SLIT3: variants seen among roughly 807,000 people sequenced by gnomAD.
The protein encoded by SLIT3 is slit guidance ligand 3, also known as slit homolog 3 protein.
In SLIT3, 68 loss-of-function variants were observed where a neutral mutation model predicts 184.0. That is an observed-to-expected ratio of 0.37 (90% confidence interval 0.30 to 0.45). The LOEUF (loss-of-function observed/expected upper bound fraction) is 0.45. SLIT3 is among the 20% of genes least tolerant of loss of function. The probability of loss-of-function intolerance (pLI) is 1.00; values close to 1 mark genes in which losing one functional copy is unlikely to be tolerated. For synonymous variants in SLIT3, 831 were observed against 828.6 expected (o/e 1.00, Z -0.05); for missense variants, 1,707 against 2,026.0 (o/e 0.84, Z 3.02).
At chr5:169,161,600 A>G (rs551764615) in intron 4 of SLIT3, among the ~76,000 whole-genome samples, 7 of 152,062 alleles carry the variant, frequency 4.6e-5, no homozygotes, top group African/African-American at 1.7e-4. Context: ...CCATACTGAT[A>G]TCAGAAGGGA....
At chr5:169,289,045 G>A (rs1375526296) in intron 1 of SLIT3, among the ~76,000 whole-genome samples, 1 of 152,196 alleles carries the variant, frequency 6.6e-6, no homozygotes, top group Non-Finnish European at 1.5e-5. Flanking sequence ...GGAGACATCT[G>A]ATCTCATTTA....
At chr5:168,913,971 C>A (rs765405147) in intron 4 of SLIT3, among the ~76,000 whole-genome samples, 4 of 152,240 alleles carry the variant, frequency 2.6e-5, no homozygotes, top group South Asian at 4.2e-4. Context: ...TTTTCCTTTT[C>A]TCACCTAACT....
chr5:169,277,865 G>A (rs956860984), intron 1 of SLIT3, among the ~76,000 whole-genome samples: 4 of 152,092 alleles, frequency 2.6e-5, no homozygotes, highest in African/African-American at 4.8e-5. Context: ...ACCATTTTAC[G>A]TTTCACCAGC....
intron 4 of SLIT3, among the ~76,000 whole-genome samples, chr5:169,188,202 G>A (rs573198281): frequency 3.3e-5 from 5 of 152,274 alleles, no homozygotes; most frequent in East Asian, 3.9e-4. Context: ...CAGGCAATCC[G>A]ACTGCCTTGG....
At chr5:169,013,491 A>G (rs953769625) in intron 4 of SLIT3, 12 of 152,134 alleles carry the variant, frequency 7.9e-5, no homozygotes, top group African/African-American at 2.7e-4. Flanking sequence ...TAAAACTGAA[A>G]CCCGATCCTT....
At chr5:169,127,514 G>A (rs1024463177) in intron 4 of SLIT3, among the ~76,000 whole-genome samples, 39 of 152,166 alleles carry the variant, frequency 2.6e-4, no homozygotes, top group Admixed American at 1.7e-3. Context: ...GAACAAAACC[G>A]GAAGAAGATA....
chr5:168,808,558 T>C (rs955439643), intron 8 of SLIT3, among the ~76,000 whole-genome samples: 3 of 152,180 alleles, frequency 2.0e-5, no homozygotes, highest in Admixed American at 2.0e-4. Flanking sequence ...GTAATGTTCA[T>C]TGTTATTATT....
chr5:169,041,641 T>C (rs1757453217), intron 4 of SLIT3, among the ~76,000 whole-genome samples: 1 of 152,228 alleles, frequency 6.6e-6, no homozygotes, highest in African/African-American at 2.4e-5. Context: ...TCAATTCTTA[T>C]AATGAAATGT....
At chr5:168,825,059 T>C (rs566166539) in intron 6 of SLIT3, among the ~76,000 whole-genome samples, 1 of 152,168 alleles carries the variant, frequency 6.6e-6, no homozygotes, top group Non-Finnish European at 1.5e-5. Context: ...GTTATCAATA[T>C]CTCTTATCTG....
At chr5:169,017,328 A>G (rs942904094) in intron 4 of SLIT3, among the ~76,000 whole-genome samples, 2 of 152,190 alleles carry the variant, frequency 1.3e-5, no homozygotes, top group African/African-American at 4.8e-5. Flanking sequence ...CTCCTGGGAC[A>G]TCCCCTTCGA....
intron 4 of SLIT3, among the ~76,000 whole-genome samples, chr5:168,934,183 G>C (rs554098032): frequency 3.3e-5 from 5 of 152,136 alleles, no homozygotes; most frequent in Non-Finnish European, 7.4e-5. Context: ...AACGCTCCTC[G>C]TAGATGGCAC....
intron 4 of SLIT3, among the ~76,000 whole-genome samples, chr5:168,938,735 A>T (rs1581228522): frequency 6.6e-6 from 1 of 152,060 alleles, no homozygotes; most frequent in East Asian, 1.9e-4. Context: ...GGTTCAAGCG[A>T]TTCTCCCGCC....
chr5:168,975,162 C>A (rs1754706366), intron 4 of SLIT3, among the ~76,000 whole-genome samples: 1 of 151,910 alleles, frequency 6.6e-6, no homozygotes, highest in Non-Finnish European at 1.5e-5. Context: ...GATGATGTCC[C>A]CAGCCAGTCC....
intron 4 of SLIT3, among the ~76,000 whole-genome samples, chr5:168,896,291 C>T (rs1054166166): frequency 1.3e-5 from 2 of 152,024 alleles, no homozygotes; most frequent in East Asian, 1.9e-4. Context: ...CTGTATAATG[C>T]GGACCATGAA....
At chr5:169,244,891 C>T (rs1443574879) in intron 2 of SLIT3, 115 bp from the exon 3 acceptor site, 14 of 866,428 alleles carry the variant, frequency 1.6e-5, no homozygotes, top group Middle Eastern at 2.5e-4. Flanking sequence ...CGTCAGTGTC[C>T]CTTCAACTGG....
At chr5:169,224,377 AT>A (rs759020436) in intron 3 of SLIT3, among the ~76,000 whole-genome samples, 5,039 of 90,462 alleles carry the variant, frequency 0.056, 99 homozygotes, top group Admixed American at 0.083. Flanking sequence ...TTATTTATTT[AT>A]TTATTTATTT....
chr5:169,045,154 G>A (rs1561628524), intron 4 of SLIT3, among the ~76,000 whole-genome samples: 2 of 152,276 alleles, frequency 1.3e-5, no homozygotes, highest in Non-Finnish European at 1.5e-5. Flanking sequence ...AACAGAAGAC[G>A]ACAATGCATT....
At position 168,693,450 on chromosome 5, in the gene SLIT3, C is replaced by T. The variant is rs542305929; in HGVS notation, c.3083-750G>A. On this transcript the variant is annotated intron_variant, in intron 28 of 35. Coordinates refer to ENST00000519560, the MANE Select transcript of SLIT3 (RefSeq NM_003062.4). ...CGGTCATAAACACCCAGGGATGGCC[C>T]TTGCAGATAAGCCCTGAAAAGCTTA... 2.0e-5 allele frequency among the ~76,000 whole-genome samples: 3 copies of T among 152,338 alleles called. No individual in the cohort carries two copies. The South Asian group carries it at 6.2e-4, about 32-fold the overall frequency.
At chr5:168,727,765 G>A (rs1360138790) in intron 20 of SLIT3, among the ~76,000 whole-genome samples, 1 of 152,182 alleles carries the variant, frequency 6.6e-6, no homozygotes, top group Non-Finnish European at 1.5e-5. Context: ...GTGGTGGGAA[G>A]GAGCAGACAC....
Sources: allele counts gnomAD v4.1 joint callset (sites outside exome capture counted in the v4.1 genomes callset), GRCh38; gene constraint gnomAD v4.1.1; transcripts MANE v1.5; gene names NCBI Gene and HGNC (gene_info 2026-07-23, HGNC 2026-07-21).